Variants in FAT3 observed in about 807,000 individuals in gnomAD.
FAT3 encodes the protein FAT atypical cadherin 3, also known as protocadherin Fat 3.
Under a neutral mutation model 310.2 loss-of-function variants are expected in FAT3, and 95 were observed. That is an observed-to-expected ratio of 0.31 (90% CI 0.26 to 0.36). The LOEUF is 0.36. Ranked by LOEUF, FAT3 falls within the 10% of genes least tolerant of loss-of-function variation. The probability of loss-of-function intolerance (pLI) is 1.00; values close to 1 mark genes in which losing one functional copy is unlikely to be tolerated. For missense variants in FAT3, 5,408 were observed against 5,715.6 expected, an observed-to-expected ratio of 0.95 and a Z score of 1.74; for synonymous variants, 2,314 against 2,192.9, an observed-to-expected ratio of 1.06 and a Z score of -1.54.
At chr11:92,770,219 A>G (rs183714610) in intron 6 of FAT3, among the ~76,000 whole-genome samples, 8 of 152,274 alleles carry the variant, frequency 5.3e-5, no homozygotes, top group Admixed American at 2.0e-4. Flanking sequence ...TCTGGTCCAT[A>G]GGAGCACATC....
chr11:92,235,867 G>T (rs764170149), intron 1 of FAT3, among the ~76,000 whole-genome samples: 17 of 152,106 alleles, frequency 1.1e-4, no homozygotes, highest in Admixed American at 2.0e-4. Context: ...GTGTCCAGCC[G>T]CCTTTCAGTA....
chr11:92,617,739 T>A (rs1055309980), intron 3 of FAT3, among the ~76,000 whole-genome samples: 2 of 152,216 alleles, frequency 1.3e-5, no homozygotes, highest in Non-Finnish European at 2.9e-5. Flanking sequence ...TGGAGTTTGC[T>A]GGAGGACCAC....
Position 92,652,241 on chromosome 11 carries a change from G to A in FAT3, c.3608-45143G>A, listed in dbSNP as rs561255585. ...CCAACACCCCACTTTTATCCGCTGG[G>A]CACAAGGCGCTACCCCTGGCCACAC... On this transcript the variant is annotated intron_variant, in intron 3 of 27. Coordinates refer to ENST00000525166, the MANE Select transcript of FAT3 (RefSeq NM_001367949.2). 2.6e-5 allele frequency among the ~76,000 whole-genome samples: 4 copies of A among 152,270 alleles called. No individual in the cohort carries two copies. The East Asian group carries it at 5.8e-4, about 22-fold the overall frequency.
At chr11:92,349,982 A>AG (rs1249298448) in intron 1 of FAT3, among the ~76,000 whole-genome samples, 11 of 150,886 alleles carry the variant, frequency 7.3e-5, no homozygotes, top group Admixed American at 5.9e-4. Flanking sequence ...TGGAGCTGAA[A>AG]AAAAAAAAAA....
At position 92,800,872 on chromosome 11, in the gene FAT3, C is replaced by A. The variant is rs745468568; in HGVS notation, c.7859C>A (p.Thr2620Asn). 6.2e-7 allele frequency: 1 copy of A among 1,613,210 alleles called. No homozygotes were observed. The highest frequency in any genetic ancestry group is 1.3e-5 in the African/African-American group (1 of 74,888). ...GATGTTGGAAGGGGCCACTTGGTCACTCAAGTTCAAGCCATAGATCCCGAT... is the reference window on the plus strand; with the variant it reads ...GATGTTGGAAGGGGCCACTTGGTCAATCAAGTTCAAGCCATAGATCCCGAT... ...RADVGRGHLV[T>N]QVQAIDPDDG... The change falls in exon 10 of 28, where the codon ACT becomes AAT. Residue 2620 changes from threonine (T) to asparagine (N), a missense_variant. Physicochemically the swap from Thr to Asn is moderately conservative, Grantham distance 65. Around this residue, in one of 5 missense-constraint regions of FAT3, gnomAD observed 4,588 missense variants for 4,809.8 expected, o/e 0.95. Transcript: ENST00000525166.
At chr11:92,295,497 T>C (rs1269645002) in intron 1 of FAT3, among the ~76,000 whole-genome samples, 1 of 152,080 alleles carries the variant, frequency 6.6e-6, no homozygotes, top group African/African-American at 2.4e-5. Flanking sequence ...GGATGCAGGG[T>C]CAAAAATGCA....
intron 4 of FAT3, among the ~76,000 whole-genome samples, chr11:92,722,089 T>C (rs1944878082): frequency 6.6e-6 from 1 of 152,118 alleles, no homozygotes; most frequent in African/African-American, 2.4e-5. Flanking sequence ...CAAAGTCAAC[T>C]CATTTCAGCA....
rs115121652 is a variant in FAT3 at position 92,531,798 on chromosome 11, C to T, written c.3607+6850C>T. Among the ~76,000 whole-genome samples, 596 of 152,018 alleles carry T rather than the reference C, an allele frequency of 3.9e-3. 2 individuals are homozygous for T. The highest frequency in any genetic ancestry group is 0.013 in the African/African-American group (538 of 41,442). On this transcript the variant is annotated intron_variant, in intron 3 of 27. Transcript: ENST00000525166. ...ATATACTTATTGTGAATGTAAGTACCAACTTCAGAGTTTCTCAACCTCGAT... is the reference window on the plus strand; with the variant it reads ...ATATACTTATTGTGAATGTAAGTACTAACTTCAGAGTTTCTCAACCTCGAT...
chr11:92,537,727 A>G (rs1954306524), intron 3 of FAT3, among the ~76,000 whole-genome samples: 1 of 152,150 alleles, frequency 6.6e-6, no homozygotes, highest in African/African-American at 2.4e-5. Context: ...AAATTCCCTA[A>G]TATACCCTTG....
At chr11:92,659,171 C>T (rs1942685248) in intron 3 of FAT3, among the ~76,000 whole-genome samples, 1 of 152,162 alleles carries the variant, frequency 6.6e-6, no homozygotes, top group Admixed American at 6.5e-5. Flanking sequence ...CTTCCTACCT[C>T]TTTCTAACAG....
chr11:92,727,948 G>A (rs1302742261), intron 4 of FAT3, among the ~76,000 whole-genome samples: 3 of 152,196 alleles, frequency 2.0e-5, no homozygotes, highest in Non-Finnish European at 4.4e-5. Context: ...GTTGCTGGCT[G>A]TTCTTCTCAG....
chr11:92,652,133 C>T (rs1303622313), intron 3 of FAT3, among the ~76,000 whole-genome samples: 1 of 152,118 alleles, frequency 6.6e-6, no homozygotes, highest in Non-Finnish European at 1.5e-5. Context: ...TATTGAAACA[C>T]AGGGTTTAGT....
At chr11:92,306,396 G>A (rs1444173659) in intron 1 of FAT3, among the ~76,000 whole-genome samples, 4 of 147,970 alleles carry the variant, frequency 2.7e-5, no homozygotes, top group Non-Finnish European at 4.4e-5. Context: ...CCTATTTACT[G>A]TAAAGTTTTT....
Position 92,800,688 on chromosome 11 carries a change from G to A in FAT3, c.7675G>A (p.Asp2559Asn). The A allele has an allele frequency of 6.2e-7, 1 of 1,613,826 alleles. No individual in the cohort carries two copies. Among genetic ancestry groups the A allele is most frequent in the Non-Finnish European group, 8.5e-7 (1 of 1,179,828 alleles). ...GCAGGTCATCACCACAGAAAGGCTA[G>A]ACCGGGAAAACCCTCTAGAAGGGGA... is the stretch of plus-strand genomic sequence containing the variant. Reference protein sequence around the residue: ...NGQVITTERLDRENPLEGDVS... With the variant: ...NGQVITTERLNRENPLEGDVS... Residue 2559 changes from aspartate (D) to asparagine (N), a missense_variant, in exon 10 of 28, where the codon GAC becomes AAC. Around this residue, in one of 5 missense-constraint regions of FAT3, gnomAD observed 4,588 missense variants for 4,809.8 expected, o/e 0.95. Coordinates refer to ENST00000525166, the MANE Select transcript of FAT3 (RefSeq NM_001367949.2).
intron 3 of FAT3, among the ~76,000 whole-genome samples, chr11:92,619,062 T>A (rs918957348): frequency 3.9e-5 from 6 of 152,220 alleles, no homozygotes; most frequent in African/African-American, 1.4e-4. Context: ...GGTTGTTAGA[T>A]TTCATCAAAC....
At chr11:92,583,848 C>A (rs1938976629) in intron 3 of FAT3, among the ~76,000 whole-genome samples, 1 of 151,974 alleles carries the variant, frequency 6.6e-6, no homozygotes, top group South Asian at 2.1e-4. Context: ...TACTCGCCTG[C>A]AGAATATGGT....
chr11:92,228,262 G>A (rs1051318978), intron 1 of FAT3, among the ~76,000 whole-genome samples: 10 of 152,136 alleles, frequency 6.6e-5, no homozygotes, highest in Non-Finnish European at 1.3e-4. Context: ...AAGCCTTTTA[G>A]AAATCTTTCT....
At chr11:92,478,178 T>C (rs936708838) in intron 2 of FAT3, among the ~76,000 whole-genome samples, 3 of 152,206 alleles carry the variant, frequency 2.0e-5, no homozygotes, top group African/African-American at 7.2e-5. Flanking sequence ...GATCAAGATA[T>C]TTATTTCAAA....
chr11:92,814,706 T>C (rs1408323845), intron 13 of FAT3, among the ~76,000 whole-genome samples: 1 of 152,090 alleles, frequency 6.6e-6, no homozygotes, highest in Non-Finnish European at 1.5e-5. Context: ...CTGGGGCCTG[T>C]TGGAGTGTAG....
Sources: gnomAD v4.1 joint callset for allele counts (sites outside exome capture counted in the v4.1 genomes callset) on GRCh38, gnomAD v4.1.1 for gene constraint, gnomAD v4.1.1 regional missense constraint, MANE v1.5 for transcripts, NCBI Gene and HGNC (gene_info 2026-07-23, HGNC 2026-07-21) for gene names.